The following ETV6 variants were observed in gnomAD, a reference collection of about 807,000 sequenced individuals.
The protein encoded by ETV6 is transcription factor ETV6.
A neutral mutation model predicts 51.1 loss-of-function variants in ETV6; 16 were observed. The observed-to-expected ratio is 0.31, with a 90% CI of 0.21 to 0.48. The LOEUF (loss-of-function observed/expected upper bound fraction) is 0.48. ETV6 is among the 20% of genes least tolerant of loss of function. ETV6 has a pLI of 0.99. For synonymous variants in ETV6, 240 were observed against 224.1 expected (o/e 1.07, Z -0.64); for missense variants, 458 against 594.8 (o/e 0.77, Z 2.39).
In ETV6 at chr12:11,879,687, G is replaced by A. The variant is rs1019996738; in HGVS notation, c.1010-4758G>A. 9.2e-5 allele frequency among the ~76,000 whole-genome samples: 14 copies of A among 152,346 alleles called. No individual in the cohort carries two copies. In the East Asian group the frequency reaches 2.7e-3, roughly 29 times the overall value. On this transcript the variant is annotated intron_variant, in intron 5 of 7. Transcript: ENST00000396373. ...GGAAATTTCTTTAAAATATCCATGTGCCTTGAGATAGAAGAAAGCCCTTTC... is the reference window on the plus strand; with the variant it reads ...GGAAATTTCTTTAAAATATCCATGTACCTTGAGATAGAAGAAAGCCCTTTC...
chr12:11,703,486 AC>A (rs1025671164), intron 1 of ETV6, among the ~76,000 whole-genome samples: 5 of 152,136 alleles, frequency 3.3e-5, no homozygotes, highest in Admixed American at 6.5e-5. Context: ...AAAAAAAAAA[AC>A]AGAAGGATAT....
intron 1 of ETV6, among the ~76,000 whole-genome samples, chr12:11,730,959 C>G (rs2120976221): frequency 6.6e-6 from 1 of 152,262 alleles, no homozygotes; most frequent in Admixed American, 6.5e-5. Flanking sequence ...CAGTGTAACC[C>G]CCTCCTTGGT....
chr12:11,776,960 C>T (rs901169181), intron 2 of ETV6, among the ~76,000 whole-genome samples: 1 of 152,108 alleles, frequency 6.6e-6, no homozygotes, highest in African/African-American at 2.4e-5. Context: ...TTTTTTAGGC[C>T]GGGCGCAGTG....
At position 11,892,360 on chromosome 12, in the gene ETV6, C is replaced by T. The variant is rs774049758; in HGVS notation, c.*1314C>T. ...CAGCCTGGGCAGACAGGAAATTCCT[C>T]GGATACATTATTTTTTCTTTCTTTC... On this transcript the variant is annotated 3_prime_UTR_variant, in exon 8 of 8. Coordinates refer to ENST00000396373, the MANE Select transcript of ETV6 (RefSeq NM_001987.5). 9 of 232,852 alleles carry T rather than the reference C, an allele frequency of 3.9e-5. No homozygotes were observed. Among genetic ancestry groups the T allele is most frequent in the Non-Finnish European group, 5.1e-5 (6 of 118,012 alleles). The allele number at this position is 232,852 out of a possible 1,614,324, so 14.4% of individuals were successfully genotyped here.
At chr12:11,878,813 AGAG>A (rs1408302362) in intron 5 of ETV6, among the ~76,000 whole-genome samples, 6 of 132,128 alleles carry the variant, frequency 4.5e-5, no homozygotes, top group Non-Finnish European at 8.0e-5. Context: ...GATCTAGAAT[AGAG>A]GAGGAGGAGG....
chr12:11,880,557 G>A (rs1164069861), intron 5 of ETV6, among the ~76,000 whole-genome samples: 2 of 152,158 alleles, frequency 1.3e-5, no homozygotes, highest in African/African-American at 4.8e-5. Context: ...GAAGTAGAAT[G>A]TACCATTACA....
At chr12:11,659,266 T>C (rs1264443310) in intron 1 of ETV6, among the ~76,000 whole-genome samples, 1 of 152,220 alleles carries the variant, frequency 6.6e-6, no homozygotes, top group African/African-American at 2.4e-5. Context: ...GCTGTGGACC[T>C]AAATTCGATC....
At chr12:11,726,558 G>A (rs143757611) in intron 1 of ETV6, among the ~76,000 whole-genome samples, 244 of 152,178 alleles carry the variant, frequency 1.6e-3, no homozygotes, top group African/African-American at 5.7e-3. Flanking sequence ...CAGGAGGATC[G>A]CTTGCCCCCA....
At chr12:11,753,307 G>A (rs990765427) in intron 2 of ETV6, among the ~76,000 whole-genome samples, 1 of 152,190 alleles carries the variant, frequency 6.6e-6, no homozygotes, top group Admixed American at 6.5e-5. Flanking sequence ...GGCCTCCAAA[G>A]CCGTTGACAC....
chr12:11,750,103 G>A (rs956339822), intron 1 of ETV6, among the ~76,000 whole-genome samples: 5 of 152,152 alleles, frequency 3.3e-5, no homozygotes, highest in Non-Finnish European at 5.9e-5. Flanking sequence ...GTTTGGACGG[G>A]GTTTGCGGGG....
At chr12:11,877,567 T>G (rs1302555770) in intron 5 of ETV6, among the ~76,000 whole-genome samples, 1 of 152,118 alleles carries the variant, frequency 6.6e-6, no homozygotes, top group Admixed American at 6.5e-5. Flanking sequence ...AGTGTTTTAG[T>G]ACCAGGTGAA....
chr12:11,810,940 G>A (rs1945903468), intron 2 of ETV6, among the ~76,000 whole-genome samples: 1 of 151,952 alleles, frequency 6.6e-6, no homozygotes, highest in Admixed American at 6.6e-5. Context: ...TTCACAGGCA[G>A]CTCTTTTTTT....
intron 1 of ETV6, among the ~76,000 whole-genome samples, chr12:11,661,577 G>A (rs772279052): frequency 1.3e-5 from 2 of 152,168 alleles, no homozygotes; most frequent in African/African-American, 4.8e-5. Context: ...TGTTCTCCCC[G>A]ACTTTGAGAC....
intron 1 of ETV6, among the ~76,000 whole-genome samples, chr12:11,706,192 A>G (rs1314022334): frequency 6.6e-6 from 1 of 152,204 alleles, no homozygotes; most frequent in Admixed American, 6.5e-5. Context: ...GAAAATAACA[A>G]CGCCTTTCAT....
intron 5 of ETV6, among the ~76,000 whole-genome samples, chr12:11,880,780 A>C (rs1182208163): frequency 1.3e-5 from 2 of 152,182 alleles, no homozygotes; most frequent in East Asian, 3.8e-4. Context: ...AATTGCTGAA[A>C]TTTATTAAAA....
intron 2 of ETV6, among the ~76,000 whole-genome samples, chr12:11,765,938 G>A (rs926841135): frequency 1.2e-4 from 19 of 152,308 alleles, no homozygotes; most frequent in African/African-American, 4.3e-4. Flanking sequence ...GGGTGTGAGC[G>A]TCTGTGTGAT....
intron 1 of ETV6, among the ~76,000 whole-genome samples, chr12:11,653,180 T>C (rs1863938840): frequency 6.6e-6 from 1 of 152,156 alleles, no homozygotes; most frequent in South Asian, 2.1e-4. Context: ...TCAAATTGTT[T>C]TAAAGAGGAT....
intron 2 of ETV6, among the ~76,000 whole-genome samples, chr12:11,788,789 T>C (rs1945530139): frequency 2.0e-5 from 3 of 149,930 alleles, no homozygotes; most frequent in Admixed American, 1.3e-4. Flanking sequence ...CTAAATATTA[T>C]CTAGCATTAT....
chr12:11,873,460 A>T (rs1946915786), intron 5 of ETV6, among the ~76,000 whole-genome samples: 1 of 152,116 alleles, frequency 6.6e-6, no homozygotes, highest in African/African-American at 2.4e-5. Flanking sequence ...AGCCATAAAA[A>T]GCCTTTAAAT....
Sources: allele counts gnomAD v4.1 joint callset (sites outside exome capture counted in the v4.1 genomes callset), GRCh38; gene constraint gnomAD v4.1.1; transcripts MANE v1.5; gene names NCBI Gene and HGNC (gene_info 2026-07-23, HGNC 2026-07-21).